CEP72: variants seen among roughly 807,000 people sequenced by gnomAD.
The protein encoded by CEP72 is centrosomal protein of 72 kDa.
A neutral mutation model predicts 65.7 loss-of-function variants in CEP72; 78 were observed. That is an observed-to-expected ratio of 1.19 (90% confidence interval 0.99 to 1.43). CEP72 has a LOEUF of 1.43. Ranked by LOEUF, CEP72 falls within the 40% of genes most tolerant of loss-of-function variation. The pLI, the probability that CEP72 is intolerant of heterozygous loss-of-function variation, is 0.00. For synonymous variants in CEP72, 358 were observed against 351.7 expected, an observed-to-expected ratio of 1.02 and a Z score of -0.20; for missense variants, 914 against 832.9, an observed-to-expected ratio of 1.10 and a Z score of -1.20.
At chr5:644,006 G>C in intron 9 of CEP72, 1 of 335,056 alleles carries the variant, frequency 3.0e-6, no homozygotes, top group South Asian at 3.4e-5. Context: ...AGGCCTGCAG[G>C]TCCTGCTGGA....
At chr5:637,061 T>C (rs1439727432) in intron 6 of CEP72, among the ~76,000 whole-genome samples, 1 of 152,166 alleles carries the variant, frequency 6.6e-6, no homozygotes, top group Non-Finnish European at 1.5e-5. Context: ...GTCTTGTGTG[T>C]CCTGGGGGCT....
In CEP72 at chr5:622,272, A is replaced by G. The variant is rs146782865; in HGVS notation, c.403+2011A>G. On this transcript the variant is annotated intron_variant, in intron 3 of 11. Coordinates refer to ENST00000264935, the MANE Select transcript of CEP72 (RefSeq NM_018140.4). ...ACAGTTTGACCATTTTTCAGTAACT[A>G]ACGATCAAAACAATTTTTCTCTGAC... 1.1e-4 allele frequency among the ~76,000 whole-genome samples: 16 copies of G among 152,326 alleles called. No individual in the cohort carries two copies. The South Asian group carries it at 1.9e-3, about 18-fold the overall frequency.
chr5:644,545 G>A, intron 10 of CEP72, 120 bp downstream of exon 10: 1 of 1,177,150 alleles, frequency 8.5e-7, no homozygotes, highest in Admixed American at 1.9e-5. Flanking sequence ...GTTGGTAAGT[G>A]GGGAGCCGAG....
chr5:625,254 G>A (rs1354581302), intron 4 of CEP72, among the ~76,000 whole-genome samples: 1 of 152,250 alleles, frequency 6.6e-6, no homozygotes, highest in Non-Finnish European at 1.5e-5. Flanking sequence ...AGTGGACTCT[G>A]TCTGCATAGC....
At chr5:640,315 C>T (rs1737923880) in intron 8 of CEP72, 93 bp from the exon 9 acceptor site, 13 of 1,526,292 alleles carry the variant, frequency 8.5e-6, no homozygotes, top group Admixed American at 5.8e-5. Context: ...TTTGAGGCAT[C>T]GTCTGTGTGA....
chr5:651,986 G>A (rs1457631971), intron 11 of CEP72, among the ~76,000 whole-genome samples: 1 of 152,174 alleles, frequency 6.6e-6, no homozygotes, highest in African/African-American at 2.4e-5. Flanking sequence ...CCCCCATGGG[G>A]CCCATCACAG....
At chr5:674,093 G>A in the CEP72 span, among the ~76,000 whole-genome samples, 1 of 152,258 alleles carries the variant, frequency 6.6e-6, no homozygotes, top group Non-Finnish European at 1.5e-5. Context: ...AGGGCTGACG[G>A]CCCCTGGACA....
chr5:670,802 T>G (rs1408006131), downstream of CEP72, among the ~76,000 whole-genome samples: 3 of 151,898 alleles, frequency 2.0e-5, no homozygotes, highest in African/African-American at 7.3e-5. Context: ...CCGACAGAGG[T>G]CGGTGGCAAG....
intron 1 of CEP72, chr5:662,339 G>C (rs1195568501): frequency 1.3e-5 from 2 of 152,524 alleles, no homozygotes; most frequent in Non-Finnish European, 1.5e-5. Flanking sequence ...GTGTGCTCCC[G>C]ATGCGCTTGG....
intron 11 of CEP72, among the ~76,000 whole-genome samples, chr5:648,276 TGACTGTGAGGTGTG>T (rs1167638200): frequency 1.5e-5 from 2 of 137,296 alleles, no homozygotes; most frequent in East Asian, 2.5e-4. Flanking sequence ...GTGTGAGATG[TGACTGTGAGGTGTG>T]GACTGTGAGG....
chr5:668,589 T>G (rs1580077195), downstream of CEP72, among the ~76,000 whole-genome samples: 2 of 152,088 alleles, frequency 1.3e-5, no homozygotes, highest in South Asian at 2.1e-4. Flanking sequence ...GGCCGCGGGG[T>G]GGGGGCCTCG....
chr5:640,725 A>G (rs1737957855), intron 9 of CEP72, 121 bp downstream of exon 9: 1 of 1,443,684 alleles, frequency 6.9e-7, no homozygotes, highest in African/African-American at 1.4e-5. Context: ...CTGCAGCCCC[A>G]TGTCTCCACT....
chr5:626,049 A>AGG lies in CEP72; in HGVS notation c.512+1477_512+1478dup, dbSNP rs11325513. ...TCAACATGTCTTTTGGGTGGGGGGC[A>AGG]GGGGGGGGCGGCACAGTGCGCCACT... On this transcript the variant is annotated intron_variant, in intron 4 of 11. Coordinates refer to ENST00000264935, the MANE Select transcript of CEP72 (RefSeq NM_018140.4). 6.1e-5 allele frequency among the ~76,000 whole-genome samples: 9 copies of AGG among 147,690 alleles called. No homozygotes were observed. The East Asian group carries it at 2.0e-3, about 33-fold the overall frequency.
chr5:649,934 GGC>G (rs1223991207), intron 11 of CEP72, among the ~76,000 whole-genome samples: 2 of 121,320 alleles, frequency 1.6e-5, no homozygotes, highest in Non-Finnish European at 1.7e-5. Flanking sequence ...TGGACTGTGA[GGC>G]GTGACTGTGA....
At chr5:621,708 G>A (rs557546776) in intron 3 of CEP72, among the ~76,000 whole-genome samples, 10 of 152,378 alleles carry the variant, frequency 6.6e-5, no homozygotes, top group African/African-American at 2.2e-4. Flanking sequence ...CCTCATCACA[G>A]GGAGGACTGG....
chr5:628,894 T>C (rs73023385), intron 4 of CEP72, among the ~76,000 whole-genome samples: 1,785 of 59,032 alleles, frequency 0.03, 90 homozygotes, highest in African/African-American at 0.11. Flanking sequence ...TTGCCGTCCC[T>C]GGGGAGTGGC....
chr5:670,286 G>A (rs1025762958), downstream of CEP72, among the ~76,000 whole-genome samples: 11 of 152,194 alleles, frequency 7.2e-5, no homozygotes, highest in African/African-American at 2.7e-4. Flanking sequence ...CCTCTCTGAG[G>A]GGCGGGGGCC....
In CEP72 at chr5:643,077, G is replaced by A. The variant is rs926844224; in HGVS notation, c.1540-1222G>A. 11 of 966,388 alleles carry A rather than the reference G, an allele frequency of 1.1e-5. No individual in the cohort carries two copies. The East Asian group carries it at 5.7e-4, about 50-fold the overall frequency. 59.9% of individuals were successfully genotyped at this position (966,388 alleles called of 1,614,324 possible). Reference sequence around the variant, plus strand: ...CTCCAAAAAATAAAAAATTAGGTGTGGTGGCACACTCCTGTCATCCCAGCT... The same window carrying A: ...CTCCAAAAAATAAAAAATTAGGTGTAGTGGCACACTCCTGTCATCCCAGCT... On this transcript the variant is annotated intron_variant, in intron 9 of 11. Transcript: ENST00000264935.
At position 647,855 on chromosome 5, in the gene CEP72, C is replaced by G. The variant is rs1738523472; in HGVS notation, c.1717C>G (p.Gln573Glu). 2.5e-6 allele frequency: 4 copies of G among 1,612,576 alleles called. No homozygotes were observed. Among genetic ancestry groups the G allele is most frequent in the Non-Finnish European group, 3.4e-6 (4 of 1,179,952 alleles). ...RLCGEIVELK[Q>E]HLEHYDKIQE... Reference sequence around the variant, plus strand: ...GTGTGGCGAGATTGTGGAACTGAAGCAGCACCTGGAGCACTACGACAAGAT... The same window carrying G: ...GTGTGGCGAGATTGTGGAACTGAAGGAGCACCTGGAGCACTACGACAAGAT... Residue 573 changes from glutamine (Q) to glutamate (E), a missense_variant, in exon 11 of 12, where the codon CAG (glutamine) becomes GAG (glutamate). Coordinates refer to ENST00000264935, the MANE Select transcript of CEP72 (RefSeq NM_018140.4).
Sources: allele counts gnomAD v4.1 joint callset (sites outside exome capture counted in the v4.1 genomes callset), GRCh38; gene constraint gnomAD v4.1.1; transcripts MANE v1.5; gene names NCBI Gene and HGNC (gene_info 2026-07-23, HGNC 2026-07-21).